Variants in SNX29 observed in about 807,000 individuals in gnomAD.
SNX29 encodes the protein sorting nexin 29.
In SNX29, 78 loss-of-function variants were observed where a neutral mutation model predicts 102.1. The observed-to-expected ratio is 0.76, with a 90% CI of 0.64 to 0.92. The LOEUF (loss-of-function observed/expected upper bound fraction) is 0.92, where lower values mean the gene tolerates loss of function less well. Among genes scored for constraint, SNX29 ranks in the 40% least tolerant of loss-of-function variants. SNX29 has a pLI of 0.00. For missense variants in SNX29, 1,280 were observed against 1,061.7 expected (o/e 1.21, Z -2.86); for synonymous variants, 580 against 414.5 (o/e 1.40, Z -4.85).
intron 13 of SNX29, among the ~76,000 whole-genome samples, chr16:12,162,135 A>T (rs182182792): frequency 6.6e-6 from 1 of 152,044 alleles, no homozygotes; most frequent in African/African-American, 2.4e-5. Flanking sequence ...GCTTGTTCCA[A>T]CTGGATGGCT....
chr16:12,058,038 C>G (rs1156749191), intron 8 of SNX29, among the ~76,000 whole-genome samples: 2 of 151,650 alleles, frequency 1.3e-5, no homozygotes, highest in South Asian at 2.1e-4. Flanking sequence ...AGGCTGGTCT[C>G]AAAACTCCTG....
intron 4 of SNX29, among the ~76,000 whole-genome samples, chr16:12,035,740 C>G (rs1437256711): frequency 2.6e-5 from 4 of 151,788 alleles, no homozygotes; most frequent in African/African-American, 9.7e-5. Context: ...TTGATAGAAC[C>G]CAGATTTTGC....
chr16:12,461,609 T>G (rs1265171685), intron 18 of SNX29, among the ~76,000 whole-genome samples: 1 of 152,062 alleles, frequency 6.6e-6, no homozygotes, highest in Non-Finnish European at 1.5e-5. Flanking sequence ...GGAAAACAAT[T>G]TGAAGCATCG....
intron 15 of SNX29, among the ~76,000 whole-genome samples, chr16:12,318,992 G>A (rs1157171374): frequency 2.6e-5 from 4 of 152,068 alleles, no homozygotes; most frequent in Admixed American, 1.3e-4. Flanking sequence ...GAGGTTTGGG[G>A]AGTCCCTTCA....
chr16:12,186,636 G>A (rs1209535143), intron 13 of SNX29, among the ~76,000 whole-genome samples: 6 of 152,298 alleles, frequency 3.9e-5, no homozygotes, highest in African/African-American at 1.4e-4. Flanking sequence ...TCCAGTCCAG[G>A]ATCAGGCATT....
intron 20 of SNX29, among the ~76,000 whole-genome samples, chr16:12,533,416 T>C (rs2076984362): frequency 6.6e-6 from 1 of 152,168 alleles, no homozygotes; most frequent in African/African-American, 2.4e-5. Context: ...TGTTGATGCA[T>C]ATTTCCACCC....
intron 9 of SNX29, among the ~76,000 whole-genome samples, chr16:12,064,176 C>T (rs541372871): frequency 6.6e-6 from 1 of 152,264 alleles, no homozygotes; most frequent in South Asian, 2.1e-4. Context: ...GCTCCTTTGC[C>T]GCTTAGCTGG....
At chr16:12,484,154 C>G (rs2088111397) in intron 19 of SNX29, among the ~76,000 whole-genome samples, 1 of 152,120 alleles carries the variant, frequency 6.6e-6, no homozygotes, top group Non-Finnish European at 1.5e-5. Flanking sequence ...TTCTCCCTCT[C>G]TCTTTTTTGC....
intron 20 of SNX29, among the ~76,000 whole-genome samples, chr16:12,564,868 A>T (rs2078927798): frequency 6.6e-6 from 1 of 150,452 alleles, no homozygotes; most frequent in Non-Finnish European, 1.5e-5. Flanking sequence ...GAGAGATGAG[A>T]ATTTCACTCT....
intron 14 of SNX29, among the ~76,000 whole-genome samples, chr16:12,263,091 G>A (rs2078827226): frequency 6.6e-6 from 1 of 150,656 alleles, no homozygotes; most frequent in Non-Finnish European, 1.5e-5. Context: ...AACTGACATT[G>A]TTATTATTGT....
At chr16:12,547,587 A>G (rs559185437) in intron 20 of SNX29, among the ~76,000 whole-genome samples, 43 of 152,186 alleles carry the variant, frequency 2.8e-4, no homozygotes, top group African/African-American at 9.6e-4. Flanking sequence ...CGAGGATTAA[A>G]TACACCCCCA....
intron 18 of SNX29, among the ~76,000 whole-genome samples, chr16:12,464,413 CTAATT>C (rs1375263864): frequency 6.6e-6 from 1 of 151,986 alleles, no homozygotes; most frequent in East Asian, 1.9e-4. Context: ...CTTGAGGGTA[CTAATT>C]TAATTTCCTT....
At chr16:12,001,845 C>T (rs2056299134) in intron 2 of SNX29, among the ~76,000 whole-genome samples, 1 of 151,812 alleles carries the variant, frequency 6.6e-6, no homozygotes, top group South Asian at 2.1e-4. Flanking sequence ...TAGTGAGACC[C>T]CTGTCTCTAC....
chr16:12,111,826 G>A (rs1054712358), intron 11 of SNX29, among the ~76,000 whole-genome samples: 4 of 152,178 alleles, frequency 2.6e-5, no homozygotes, highest in African/African-American at 9.7e-5. Flanking sequence ...ACGGAGAGGT[G>A]AGATTTGAGA....
chr16:12,420,522 A>G (rs1019155686), intron 18 of SNX29, among the ~76,000 whole-genome samples: 1 of 152,160 alleles, frequency 6.6e-6, no homozygotes, highest in Non-Finnish European at 1.5e-5. Flanking sequence ...AGTGTTTGAC[A>G]TGGATTCTCA....
At chr16:12,190,299 C>A (rs568461018) in intron 13 of SNX29, among the ~76,000 whole-genome samples, 15 of 152,134 alleles carry the variant, frequency 9.9e-5, no homozygotes, top group African/African-American at 2.9e-4. Flanking sequence ...ACTCCATTTC[C>A]TTATGGATGA....
intron 18 of SNX29, among the ~76,000 whole-genome samples, chr16:12,462,287 G>A (rs145484041): frequency 3.3e-5 from 5 of 151,878 alleles, no homozygotes; most frequent in African/African-American, 4.8e-5. Context: ...GGATAGAGAC[G>A]TGCCTTTCAT....
chr16:12,082,632 T>C (rs2051962527), intron 11 of SNX29, among the ~76,000 whole-genome samples: 1 of 152,214 alleles, frequency 6.6e-6, no homozygotes, highest in Non-Finnish European at 1.5e-5. Context: ...CCAGAGCTTA[T>C]ACCTTGAATC....
intron 13 of SNX29, among the ~76,000 whole-genome samples, chr16:12,175,432 C>T (rs955168695): frequency 4.0e-5 from 6 of 151,824 alleles, no homozygotes; most frequent in Non-Finnish European, 5.9e-5. Context: ...AGTTCGAGCC[C>T]AGCCTGGCCA....
Sources: gnomAD v4.1 joint callset for allele counts (sites outside exome capture counted in the v4.1 genomes callset) on GRCh38, gnomAD v4.1.1 for gene constraint, MANE v1.5 for transcripts, NCBI Gene and HGNC (gene_info 2026-07-23, HGNC 2026-07-21) for gene names.